MROH2B: variants seen among roughly 807,000 people sequenced by gnomAD.
MROH2B encodes the protein maestro heat-like repeat-containing protein family member 2B.
Under a neutral mutation model 208.6 loss-of-function variants are expected in MROH2B, and 177 were observed. The ratio of observed to expected loss-of-function variants is 0.85; its 90% CI spans 0.75 to 0.96. The LOEUF (loss-of-function observed/expected upper bound fraction) is 0.96, where lower values mean the gene tolerates loss of function less well. MROH2B is among the 40% of genes least tolerant of loss of function. The probability of loss-of-function intolerance (pLI) is 0.00; values close to 1 mark genes in which losing one functional copy is unlikely to be tolerated. For missense variants in MROH2B, 2,002 were observed against 1,878.7 expected, an observed-to-expected ratio of 1.07 and a Z score of -1.21; for synonymous variants, 728 against 659.0, an observed-to-expected ratio of 1.10 and a Z score of -1.60.
At chr5:41,040,726 G>A (rs2150171006) in intron 19 of MROH2B, among the ~76,000 whole-genome samples, 1 of 152,206 alleles carries the variant, frequency 6.6e-6, no homozygotes, top group South Asian at 2.1e-4. Flanking sequence ...GAGTGCAATG[G>A]TGCGATCTCG....
chr5:41,031,912 G>A (rs1022093012), intron 24 of MROH2B, among the ~76,000 whole-genome samples: 4 of 152,060 alleles, frequency 2.6e-5, no homozygotes, highest in South Asian at 2.1e-4. Context: ...GATTTTATTC[G>A]TTTGTATGTC....
Position 41,038,799 on chromosome 5 carries a change from A to AAGTT in MROH2B, c.2147_2150dup (p.Leu718ThrfsTer6). ...TGATATCTTGATTAAGTCTGGAGAG[A>AAGTT]AGTTGCTTCTTGGGAGCATGGAGGG... On this transcript the variant is annotated frameshift_variant, in exon 21 of 42. Transcript: ENST00000399564. LOFTEE classifies it high-confidence loss of function. 6.2e-7 allele frequency: 1 copy of AAGTT among 1,613,634 alleles called. No individual in the cohort carries two copies. The highest frequency in any genetic ancestry group is 8.5e-7 in the Non-Finnish European group (1 of 1,179,708).
intron 30 of MROH2B, among the ~76,000 whole-genome samples, chr5:41,010,929 TA>T (rs1480285062): frequency 5.3e-5 from 8 of 152,298 alleles, no homozygotes; most frequent in Middle Eastern, 3.4e-3. Flanking sequence ...AAAACTGCTC[TA>T]AAAAATCTAT....
In MROH2B at chr5:41,048,448, G is replaced by C. The variant is rs1332563127; in HGVS notation, c.1560C>G (p.Ala520=). 1 of 1,612,220 alleles carries C rather than the reference G, an allele frequency of 6.2e-7. No homozygotes were observed. Among genetic ancestry groups the C allele is most frequent in the Non-Finnish European group, 8.5e-7 (1 of 1,179,286 alleles). The change falls in exon 16 of 42, where the codon GCC becomes GCG. Residue 520 remains alanine (A), a synonymous_variant. Coordinates refer to ENST00000399564, the MANE Select transcript of MROH2B (RefSeq NM_173489.5). Reference sequence around the variant, plus strand: ...CAGCCCCACGTAACTCCCCTAAACTGGCAGGCATAGATATTACCTGAAGGA... The same window carrying C: ...CAGCCCCACGTAACTCCCCTAAACTCGCAGGCATAGATATTACCTGAAGGA... The part of the protein sequence containing the change: ...LARLLVISMP[A]SLGELRGAGA...
At chr5:41,007,219 A>G (rs1741623658) in intron 34 of MROH2B, 95 bp downstream of exon 34, 2 of 1,223,146 alleles carry the variant, frequency 1.6e-6, no homozygotes, top group Non-Finnish European at 1.1e-6. Context: ...AAGTGAATCA[A>G]TTATGCTCAG....
intron 11 of MROH2B, among the ~76,000 whole-genome samples, 188 bp downstream of exon 11, chr5:41,054,579 G>A (rs906481387): frequency 4.0e-4 from 61 of 152,096 alleles, no homozygotes; most frequent in Admixed American, 2.0e-4. Context: ...ACGTCCTTTA[G>A]CTGTGTGTAC....
rs768202807 is a variant in MROH2B, at chr5:41,012,640, G to A, written c.3078C>T (p.Ala1026=). 52 of 1,613,746 alleles carry A rather than the reference G, an allele frequency of 3.2e-5. No individual in the cohort carries two copies. The highest frequency in any genetic ancestry group is 4.2e-5 in the Non-Finnish European group (50 of 1,179,806). The change falls in exon 30 of 42, where the codon GCC becomes GCT. Residue 1026 remains alanine, a synonymous_variant. Transcript: ENST00000399564. The part of the protein sequence containing the change: ...LESLNPTCTK[A]CGIWMITVLK... ...GGACAGTGATCATCCATATGCCACA[G>A]GCCTTTGTACAAGTGGGGTTGAGGC... is the stretch of plus-strand genomic sequence containing the variant.
intron 7 of MROH2B, among the ~76,000 whole-genome samples, chr5:41,057,580 G>A (rs1268941238): frequency 0.017 from 19 of 1,110 alleles, no homozygotes; most frequent in African/African-American, 0.037. Flanking sequence ...TTTTTGAGAC[G>A]GAGTCTTGTT....
intron 30 of MROH2B, among the ~76,000 whole-genome samples, chr5:41,012,025 G>C (rs1330308234): frequency 6.6e-6 from 1 of 152,300 alleles, no homozygotes; most frequent in African/African-American, 2.4e-5. Flanking sequence ...GACTTCAGAA[G>C]AGAAAAGAGA....
In MROH2B at chr5:41,000,709, T is replaced by C. The variant is rs1406564013; in HGVS notation, c.4319A>G (p.His1440Arg). 2 of 1,612,614 alleles carry C rather than the reference T, an allele frequency of 1.2e-6. No individual in the cohort carries two copies. The highest frequency in any genetic ancestry group is 1.7e-5 in the Admixed American group (1 of 59,864). Residue 1440 changes from histidine (H) to arginine (R), a missense_variant, in exon 38 of 42, where the codon CAC becomes CGC. Physicochemically the swap from His to Arg is conservative, Grantham distance 29. Transcript: ENST00000399564. ...IKKSLISFLL[H>R]LWDPNPKIGV... ...AATCTTGGGGTTGGGATCCCAAAGG[T>C]GCAGAAGGAATGAAATCAGGCTCTT...
At chr5:41,021,096 T>C (rs1579918774) in intron 24 of MROH2B, among the ~76,000 whole-genome samples, 1 of 152,328 alleles carries the variant, frequency 6.6e-6, no homozygotes, top group East Asian at 1.9e-4. Flanking sequence ...TCAGCAAAGT[T>C]GTGAGATACA....
At chr5:41,056,815 G>GTCAAC (rs1259397508) in intron 9 of MROH2B, among the ~76,000 whole-genome samples, 1 of 147,276 alleles carries the variant, frequency 6.8e-6, no homozygotes, top group East Asian at 2.0e-4. Flanking sequence ...TTTTAGGATT[G>GTCAAC]TCAACTCACT....
chr5:41,009,973 T>G lies in MROH2B; in HGVS notation c.3242A>C (p.His1081Pro), dbSNP rs1400364660. Residue 1081 changes from histidine (H) to proline (P), a missense_variant, in exon 31 of 42, where the codon CAC becomes CCC. Transcript: ENST00000399564. ...LEAISQIASFHMDTVVVNLLQ... is the reference protein window; with the variant it reads ...LEAISQIASFPMDTVVVNLLQ... ...AAGGTTGACAACAACTGTATCCATG[T>G]GAAAGCTGGCTATCTGGGAGATGGC... 6.2e-7 allele frequency: 1 copy of G among 1,613,896 alleles called. No individual in the cohort carries two copies. Among genetic ancestry groups the G allele is most frequent in the Non-Finnish European group, 8.5e-7 (1 of 1,179,808 alleles).
At chr5:41,020,275 G>T (rs748312652) in intron 24 of MROH2B, among the ~76,000 whole-genome samples, 6 of 151,988 alleles carry the variant, frequency 3.9e-5, no homozygotes, top group African/African-American at 7.2e-5. Context: ...TTTAAAAGTG[G>T]TTACCAGACA....
intron 4 of MROH2B, 32 bp downstream of exon 4, chr5:41,065,299 C>T (rs747351838): frequency 6.3e-7 from 1 of 1,578,960 alleles, no homozygotes; most frequent in Non-Finnish European, 8.6e-7. Context: ...TTGTCATTTC[C>T]CAGGGAAAAT....
At position 41,065,393 on chromosome 5, in the gene MROH2B, C is replaced by T. The variant is rs1223982209; in HGVS notation, c.299G>A (p.Arg100Lys). The change falls in exon 4 of 42, where the codon AGG (arginine) becomes AAG (lysine). Residue 100 changes from arginine to lysine, a missense_variant. Coordinates refer to ENST00000399564, the MANE Select transcript of MROH2B (RefSeq NM_173489.5). ...SVMYEVQSNF[R>K]ILELPDEFVV... ...GAATTCATCTGGTAGCTCTAAGATC[C>T]TGAAGTTACTTTGTACTTCATACAT... The T allele has an allele frequency of 6.2e-7, 1 of 1,613,434 alleles. No individual in the cohort carries two copies. The highest frequency in any genetic ancestry group is 1.7e-5 in the Admixed American group (1 of 59,952).
chr5:41,001,399 T>C (rs981515681), intron 37 of MROH2B, among the ~76,000 whole-genome samples: 2 of 152,066 alleles, frequency 1.3e-5, no homozygotes, highest in African/African-American at 4.8e-5. Flanking sequence ...TGGTCCAGGA[T>C]GGCAGGCGAT....
intron 33 of MROH2B, 143 bp from the exon 34 acceptor site, chr5:41,007,597 T>TATA (rs1243710046): frequency 2.8e-5 from 21 of 746,176 alleles, no homozygotes; most frequent in Admixed American, 4.2e-5. Flanking sequence ...GGCAGCCCTA[T>TATA]GCTCACATTT....
chr5:41,070,000 G>C (rs1206693714), intron 1 of MROH2B, among the ~76,000 whole-genome samples: 2 of 152,160 alleles, frequency 1.3e-5, no homozygotes, highest in Non-Finnish European at 2.9e-5. Flanking sequence ...AAAGATGCCG[G>C]ATTCCTATGT....
Sources: allele counts gnomAD v4.1 joint callset (sites outside exome capture counted in the v4.1 genomes callset), GRCh38; gene constraint gnomAD v4.1.1; transcripts MANE v1.5; gene names NCBI Gene and HGNC (gene_info 2026-07-23, HGNC 2026-07-21).